ALPK2: variants seen among roughly 807,000 people sequenced by gnomAD.
ALPK2 encodes alpha-protein kinase 2.
A neutral mutation model predicts 163.1 loss-of-function variants in ALPK2; 127 were observed. The ratio of observed to expected loss-of-function variants is 0.78; its 90% confidence interval spans 0.67 to 0.90. ALPK2 has a LOEUF of 0.90. Ranked by LOEUF, ALPK2 falls within the 40% of genes least tolerant of loss-of-function variation. ALPK2 has a pLI of 0.00. For synonymous variants in ALPK2, 953 were observed against 959.1 expected (o/e 0.99, Z 0.12); for missense variants, 2,360 against 2,589.6 (o/e 0.91, Z 1.92).
intron 10 of ALPK2, among the ~76,000 whole-genome samples, chr18:58,511,095 AGT>A (rs1219146881): frequency 6.6e-6 from 1 of 152,114 alleles, no homozygotes; most frequent in Non-Finnish European, 1.5e-5. Flanking sequence ...TTTAGCATGA[AGT>A]GTTGTTGAAT....
Position 58,482,029 on chromosome 18 carries a change from A to G in ALPK2, c.6307T>C (p.Phe2103Leu), listed in dbSNP as rs770725765. ...AAGGTCATGGAACAGTTGCCTTTAAATCCCTTGTACCTGTGAGTTTGGGTG... is the reference window on the plus strand; with the variant it reads ...AAGGTCATGGAACAGTTGCCTTTAAGTCCCTTGTACCTGTGAGTTTGGGTG... ...IATLAKGYKG[F>L]KGNCSMTFID... Residue 2103 changes from phenylalanine to leucine, a missense_variant, in exon 13 of 13, where the codon TTT becomes CTT. Physicochemically the swap from Phe to Leu is conservative, Grantham distance 22. Transcript: ENST00000361673. 6.2e-7 allele frequency: 1 copy of G among 1,613,734 alleles called. No individual in the cohort carries two copies. Among genetic ancestry groups the G allele is most frequent in the Non-Finnish European group, 8.5e-7 (1 of 1,179,696 alleles).
intron 4 of ALPK2, among the ~76,000 whole-genome samples, chr18:58,547,170 T>C (rs1338175014): frequency 6.6e-6 from 1 of 152,204 alleles, no homozygotes; most frequent in Admixed American, 6.5e-5. Context: ...TTTGGTGTTC[T>C]GTGACCTGCT....
At chr18:58,542,128 G>A (rs1162682496) in intron 4 of ALPK2, among the ~76,000 whole-genome samples, 3 of 152,190 alleles carry the variant, frequency 2.0e-5, no homozygotes, top group Non-Finnish European at 4.4e-5. Flanking sequence ...AGTGTGTGGT[G>A]CGTGGACTTG....
At chr18:58,553,084 A>AC (rs2051768310) in intron 4 of ALPK2, among the ~76,000 whole-genome samples, 2 of 151,846 alleles carry the variant, frequency 1.3e-5, no homozygotes, top group South Asian at 2.1e-4. Flanking sequence ...AAACCAAGGA[A>AC]CCCCCAAGGG....
chr18:58,495,520 T>C (rs1602185438), intron 12 of ALPK2, among the ~76,000 whole-genome samples: 2 of 152,310 alleles, frequency 1.3e-5, no homozygotes, highest in African/African-American at 4.8e-5. Flanking sequence ...GGATTGGATT[T>C]CTTTTTAAAT....
At chr18:58,551,235 C>G (rs936321975) in intron 4 of ALPK2, among the ~76,000 whole-genome samples, 1 of 152,200 alleles carries the variant, frequency 6.6e-6, no homozygotes, top group Non-Finnish European at 1.5e-5. Context: ...CAGCTTTACT[C>G]CCTCAGTTCT....
intron 12 of ALPK2, among the ~76,000 whole-genome samples, chr18:58,487,869 CAAAAACAA>C (rs1406592429): frequency 5.1e-5 from 6 of 118,446 alleles, no homozygotes; most frequent in Admixed American, 1.6e-4. Flanking sequence ...AAAACAAAAA[CAAAAACAA>C]AAAATATGAA....
intron 1 of ALPK2, among the ~76,000 whole-genome samples, chr18:58,613,508 C>A (rs547485794): frequency 2.0e-3 from 302 of 152,068 alleles, no homozygotes; most frequent in Non-Finnish European, 3.5e-3. Flanking sequence ...TCCTGGCCAA[C>A]ATGGTGAAAC....
chr18:58,597,621 G>A (rs1346275977), intron 3 of ALPK2, among the ~76,000 whole-genome samples: 1 of 152,188 alleles, frequency 6.6e-6, no homozygotes. Context: ...CTCACAGAGT[G>A]CTGCAGATTT....
Position 58,578,734 on chromosome 18 carries a change from A to ACACACACACGCGCGCACGCGCG in ALPK2, c.1962+79_1962+80insCGCGCGTGCGCGCGTGTGTGTG, listed in dbSNP as rs745812070. The ACACACACACGCGCGCACGCGCG allele has an allele frequency of 8.6e-4, 338 of 394,506 alleles. 6 individuals carry two copies. The highest frequency in any genetic ancestry group is 2.2e-3 in the Middle Eastern group (3 of 1,380). 24.4% of individuals were successfully genotyped at this position (394,506 alleles called of 1,614,324 possible). On this transcript the variant is annotated intron_variant, in intron 4 of 12. Coordinates refer to ENST00000361673, the MANE Select transcript of ALPK2 (RefSeq NM_052947.4). The stretch of plus-strand genomic sequence containing the variant: ...TTGTGAATGTGAAGTAAAGGAAGAG[A>ACACACACACGCGCGCACGCGCG]CACACACACACACACACACACACAC...
chr18:58,606,226 G>A (rs988111042), intron 3 of ALPK2, among the ~76,000 whole-genome samples: 96 of 152,044 alleles, frequency 6.3e-4, no homozygotes, highest in Non-Finnish European at 6.3e-4. Flanking sequence ...CTACAGGCAC[G>A]AGCCACCATG....
At position 58,493,875 on chromosome 18, in the gene ALPK2, G is replaced by A. The variant is rs2144102907; in HGVS notation, c.6296+4174C>T. Among the ~76,000 whole-genome samples the A allele has an allele frequency of 1.3e-5, 2 of 152,322 alleles. 1 individual carries two copies. The highest frequency in any genetic ancestry group is 4.1e-4 in the South Asian group (2 of 4,830). On this transcript the variant is annotated intron_variant, in intron 12 of 12. Coordinates refer to ENST00000361673, the MANE Select transcript of ALPK2 (RefSeq NM_052947.4). Reference sequence around the variant, plus strand: ...TTTTGGTCTAATGCTTACTGCCAGGGAAGAAATCTGCTAATGGTACTTTTC... The same window carrying A: ...TTTTGGTCTAATGCTTACTGCCAGGAAAGAAATCTGCTAATGGTACTTTTC...
chr18:58,496,029 C>A (rs1325107738), intron 12 of ALPK2, among the ~76,000 whole-genome samples: 3 of 152,168 alleles, frequency 2.0e-5, no homozygotes, highest in Admixed American at 2.0e-4. Flanking sequence ...ATAAATAGGG[C>A]ACCATATAAT....
intron 6 of ALPK2, among the ~76,000 whole-genome samples, chr18:58,526,102 G>C (rs1385505727): frequency 6.6e-6 from 1 of 152,022 alleles, no homozygotes; most frequent in African/African-American, 2.4e-5. Context: ...TTAACCAAGA[G>C]GGTAAGTTCA....
intron 3 of ALPK2, among the ~76,000 whole-genome samples, chr18:58,585,017 C>G (rs553839537): frequency 2.0e-5 from 3 of 152,208 alleles, no homozygotes; most frequent in Non-Finnish European, 2.9e-5. Flanking sequence ...TAACATTCCT[C>G]TCCCCTGCTG....
At position 58,524,185 on chromosome 18, in the gene ALPK2, C is replaced by G; in HGVS notation, c.5502-123G>C. 3 of 1,329,782 alleles carry G rather than the reference C, an allele frequency of 2.3e-6. No homozygotes were observed. The South Asian group carries it at 4.7e-5, about 21-fold the overall frequency. The allele number at this position is 1,329,782 out of a possible 1,614,324, so 82.4% of individuals were successfully genotyped here. ...CACATGTTTTCAGCCAGTGAGCTGC[C>G]CAAAGGGCAAAATCACGATCAGCTG... On this transcript the variant is annotated intron_variant, in intron 6 of 12. Coordinates refer to ENST00000361673, the MANE Select transcript of ALPK2 (RefSeq NM_052947.4).
chr18:58,517,600 G>T (rs1380177836), intron 8 of ALPK2, among the ~76,000 whole-genome samples: 1 of 147,422 alleles, frequency 6.8e-6, no homozygotes, highest in Admixed American at 6.9e-5. Context: ...CCCACCCCCC[G>T]CAACCACGGA....
At chr18:58,593,125 T>C (rs2052022958) in intron 3 of ALPK2, among the ~76,000 whole-genome samples, 1 of 152,190 alleles carries the variant, frequency 6.6e-6, no homozygotes, top group African/African-American at 2.4e-5. Context: ...ATGTAAACTA[T>C]GGACTTGGGG....
chr18:58,616,173 T>C (rs1232702018), intron 1 of ALPK2, among the ~76,000 whole-genome samples: 1 of 152,240 alleles, frequency 6.6e-6, no homozygotes, highest in African/African-American at 2.4e-5. Context: ...TTGCCTTTTT[T>C]CTTTTCTTTT....
Sources: gnomAD v4.1 joint callset for allele counts (sites outside exome capture counted in the v4.1 genomes callset) on GRCh38, gnomAD v4.1.1 for gene constraint, MANE v1.5 for transcripts, NCBI Gene and HGNC (gene_info 2026-07-23, HGNC 2026-07-21) for gene names.